The following DISC1 variants were observed in gnomAD, a reference collection of about 807,000 sequenced individuals.
The protein encoded by DISC1 is disrupted in schizophrenia 1 protein.
A neutral mutation model predicts 84.5 loss-of-function variants in DISC1; 57 were observed. That is an observed-to-expected ratio of 0.67 (90% confidence interval 0.55 to 0.84). The LOEUF is 0.84. Ranked by LOEUF, DISC1 falls within the 40% of genes least tolerant of loss-of-function variation. The pLI is 0.00. For synonymous variants in DISC1, 411 were observed against 415.2 expected, an observed-to-expected ratio of 0.99 and a Z score of 0.12; for missense variants, 1,000 against 1,057.8, an observed-to-expected ratio of 0.95 and a Z score of 0.76.
intron 10 of DISC1, among the ~76,000 whole-genome samples, chr1:231,984,334 A>G (rs1664091007): frequency 6.6e-6 from 1 of 152,224 alleles, no homozygotes; most frequent in Non-Finnish European, 1.5e-5. Flanking sequence ...TGGATGATTG[A>G]GGTAATTAGA....
intron 7 of DISC1, among the ~76,000 whole-genome samples, chr1:231,796,873 C>A (rs1356187726): frequency 6.6e-6 from 1 of 152,136 alleles, no homozygotes; most frequent in African/African-American, 2.4e-5. Flanking sequence ...TGCTACCTTG[C>A]CCAGCTAAAT....
At chr1:231,793,186 TC>T (rs1169131370) in intron 6 of DISC1, among the ~76,000 whole-genome samples, 3 of 152,168 alleles carry the variant, frequency 2.0e-5, no homozygotes, top group African/African-American at 7.2e-5. Flanking sequence ...GCAGCTTAGC[TC>T]CGATACTTGG....
chr1:231,981,693 G>A (rs1310309252), intron 10 of DISC1, among the ~76,000 whole-genome samples: 1 of 152,176 alleles, frequency 6.6e-6, no homozygotes, highest in Non-Finnish European at 1.5e-5. Context: ...AAGGTTCTGT[G>A]GGGTAGAGTT....
intron 1 of DISC1, among the ~76,000 whole-genome samples, chr1:231,669,826 A>G (rs921862862): frequency 7.2e-5 from 11 of 152,182 alleles, no homozygotes; most frequent in Non-Finnish European, 1.3e-4. Flanking sequence ...TTCCTCAAAG[A>G]CCTAAAGACA....
chr1:232,011,698 C>T (rs189368299), intron 11 of DISC1, among the ~76,000 whole-genome samples: 3,583 of 151,372 alleles, frequency 0.024, 136 homozygotes, highest in African/African-American at 0.083. Flanking sequence ...GTGGTAGTTA[C>T]GTGACTGTGT....
intron 1 of DISC1, among the ~76,000 whole-genome samples, chr1:231,635,416 C>T (rs1042489552): frequency 4.0e-5 from 6 of 151,596 alleles, no homozygotes; most frequent in African/African-American, 1.5e-4. Flanking sequence ...CCTCATTTAC[C>T]ACCTAGCAAA....
intron 1 of DISC1, among the ~76,000 whole-genome samples, chr1:231,657,839 T>C (rs945625365): frequency 1.3e-4 from 20 of 152,336 alleles, no homozygotes; most frequent in Non-Finnish European, 2.4e-4. Flanking sequence ...CATTGGTCTA[T>C]GTGTCTGTTC....
intron 9 of DISC1, among the ~76,000 whole-genome samples, chr1:231,917,049 C>T (rs779321288): frequency 6.6e-6 from 1 of 151,800 alleles, no homozygotes; most frequent in Non-Finnish European, 1.5e-5. Context: ...TTTCGGGGTA[C>T]GACATAGAAA....
chr1:231,754,166 C>T (rs1390685718), intron 4 of DISC1, among the ~76,000 whole-genome samples: 1 of 152,160 alleles, frequency 6.6e-6, no homozygotes, highest in Non-Finnish European at 1.5e-5. Flanking sequence ...AAAGCCAGTT[C>T]CACATTTTCA....
At chr1:231,859,239 A>G (rs980111304) in intron 9 of DISC1, among the ~76,000 whole-genome samples, 2 of 152,290 alleles carry the variant, frequency 1.3e-5, no homozygotes, top group South Asian at 4.1e-4. Context: ...ACCCTGCTCT[A>G]TTTCTTTTCT....
intron 9 of DISC1, among the ~76,000 whole-genome samples, chr1:231,827,745 C>T (rs1000731): frequency 0.23 from 34,922 of 152,052 alleles, 4,300 homozygotes; most frequent in East Asian, 0.41. Flanking sequence ...TGGGGATGGC[C>T]ACTGTGTCTA....
Position 231,803,946 on chromosome 1 carries a change from C to CA in DISC1, c.1792+3764dup, listed in dbSNP as rs59401177. Among the ~76,000 whole-genome samples the CA allele has an allele frequency of 2.5e-4, 14 of 55,394 alleles. 2 individuals carry two copies. The highest frequency in any genetic ancestry group is 8.4e-4 in the African/African-American group (11 of 13,022). 36.3% of individuals were successfully genotyped at this position (55,394 alleles called of 152,430 possible). ...TGGGTGACAGAGCAAGACTCCGTCT[C>CA]AAAAAAAAAAAAAAAAAAAAAAAAA... On this transcript the variant is annotated intron_variant, in intron 8 of 12. Transcript: ENST00000439617.
At chr1:231,702,468 A>G (rs1447215876) in intron 3 of DISC1, 1 of 987,156 alleles carries the variant, frequency 1.0e-6, no homozygotes, top group Non-Finnish European at 1.2e-6. Flanking sequence ...CTCTGACTTC[A>G]TAATTTCCAG....
chr1:232,001,847 A>G (rs1572578371), intron 10 of DISC1, among the ~76,000 whole-genome samples: 1 of 152,234 alleles, frequency 6.6e-6, no homozygotes, highest in Non-Finnish European at 1.5e-5. Context: ...AAGACTCGAC[A>G]TTAGAAGCAC....
intron 11 of DISC1, among the ~76,000 whole-genome samples, chr1:232,025,550 T>G (rs895020284): frequency 6.6e-6 from 1 of 151,870 alleles, no homozygotes; most frequent in Non-Finnish European, 1.5e-5. Flanking sequence ...CCAGATACTA[T>G]GCCAGGGGCT....
chr1:231,657,069 G>A (rs2061160281), intron 1 of DISC1, among the ~76,000 whole-genome samples: 1 of 152,058 alleles, frequency 6.6e-6, no homozygotes, highest in African/African-American at 2.4e-5. Flanking sequence ...TATATCTTTG[G>A]TATTGTGAAA....
chr1:231,942,434 C>T (rs977783951), intron 9 of DISC1, among the ~76,000 whole-genome samples: 15 of 152,264 alleles, frequency 9.9e-5, no homozygotes, highest in South Asian at 8.3e-4. Flanking sequence ...GAGGCCAAGG[C>T]GGGCAGATTT....
At chr1:231,831,336 G>A (rs2082209789) in intron 9 of DISC1, among the ~76,000 whole-genome samples, 1 of 152,246 alleles carries the variant, frequency 6.6e-6, no homozygotes. Context: ...GTAGCAGCTT[G>A]TAACCTATGT....
chr1:231,638,356 TTTG>T (rs916510540), intron 1 of DISC1, among the ~76,000 whole-genome samples: 12 of 152,126 alleles, frequency 7.9e-5, no homozygotes, highest in African/African-American at 1.9e-4. Flanking sequence ...CCTATGCTTT[TTTG>T]TTGTTGTTGT....
Sources: gnomAD v4.1 joint callset for allele counts (sites outside exome capture counted in the v4.1 genomes callset) on GRCh38, gnomAD v4.1.1 for gene constraint, MANE v1.5 for transcripts, NCBI Gene and HGNC (gene_info 2026-07-23, HGNC 2026-07-21) for gene names.